Variants in SRPRB observed in about 807,000 individuals in gnomAD.
SRPRB encodes signal recognition particle receptor subunit beta.
A neutral mutation model predicts 31.9 loss-of-function variants in SRPRB; 20 were observed. The observed-to-expected ratio is 0.63, with a 90% CI of 0.44 to 0.91. The LOEUF (loss-of-function observed/expected upper bound fraction) is 0.91, where lower values mean the gene tolerates loss of function less well. SRPRB is among the 40% of genes least tolerant of loss of function. SRPRB has a pLI of 0.00. For missense variants in SRPRB, 321 were observed against 324.9 expected, an observed-to-expected ratio of 0.99 and a Z score of 0.09; for synonymous variants, 146 against 132.8, an observed-to-expected ratio of 1.10 and a Z score of -0.68.
At chr3:133,808,610 G>A (rs557416911) in intron 3 of SRPRB, among the ~76,000 whole-genome samples, 1 of 152,022 alleles carries the variant, frequency 6.6e-6, no homozygotes, top group South Asian at 2.1e-4. Context: ...GAATCATGGG[G>A]CCTGGCTTGG....
upstream of SRPRB, among the ~76,000 whole-genome samples, chr3:133,801,385 T>G (rs769857761): frequency 6.6e-6 from 1 of 152,340 alleles, no homozygotes; most frequent in South Asian, 2.1e-4. Flanking sequence ...GGGAAGCAAC[T>G]AATCTCACCC....
chr3:133,812,161 A>G (rs1249367431), intron 4 of SRPRB, among the ~76,000 whole-genome samples: 2 of 152,126 alleles, frequency 1.3e-5, no homozygotes, highest in African/African-American at 4.8e-5. Flanking sequence ...AATTGGCAGT[A>G]TTTTCTCTTA....
intron 1 of SRPRB, chr3:133,795,957 A>G (rs914643939): frequency 3.9e-5 from 6 of 152,124 alleles, no homozygotes; most frequent in African/African-American, 1.4e-4. Flanking sequence ...CAACAGACCA[A>G]ACTAAACCAA....
At chr3:133,823,285 G>C (rs1382457568), downstream of SRPRB, among the ~76,000 whole-genome samples, 1 of 149,890 alleles carries the variant, frequency 6.7e-6, no homozygotes, top group Non-Finnish European at 1.5e-5. Context: ...TCGAGACAGA[G>C]TCTCACTCTG....
At chr3:133,823,209 A>T (rs1373224180), downstream of SRPRB, among the ~76,000 whole-genome samples, 3 of 152,094 alleles carry the variant, frequency 2.0e-5, no homozygotes, top group East Asian at 5.8e-4. Context: ...CATGATGCTG[A>T]TGTGTGAGGC....
chr3:133,828,293 G>A (rs919133264), downstream of SRPRB: 156 of 421,524 alleles, frequency 3.7e-4, 2 homozygotes, highest in South Asian at 4.4e-3. Flanking sequence ...GATGGCCCCA[G>A]ACTGAAGCCT....
chr3:133,811,351 A>G (rs1935258873), intron 4 of SRPRB, 152 bp downstream of exon 4: 5 of 610,428 alleles, frequency 8.2e-6, no homozygotes, highest in Admixed American at 6.5e-5. Context: ...TCTGGGTTGC[A>G]AGTCCACCTT....
At chr3:133,797,711 C>T (rs1259674861) in intron 1 of SRPRB, among the ~76,000 whole-genome samples, 1 of 152,086 alleles carries the variant, frequency 6.6e-6, no homozygotes, top group African/African-American at 2.4e-5. Flanking sequence ...ATGATCTAGC[C>T]ATTGTTCTGT....
intron 6 of SRPRB, among the ~76,000 whole-genome samples, chr3:133,818,982 A>G (rs1935416044): frequency 6.6e-6 from 1 of 152,196 alleles, no homozygotes. Flanking sequence ...GGAGGCCGAC[A>G]AATGAGTGTT....
In SRPRB at chr3:133,789,949, T is replaced by C. The variant is rs972838895; in HGVS notation, c.-174+5805T>C. On this transcript the variant is annotated intron_variant, in intron 1 of 7. Transcript: ENST00000466490. Reference sequence around the variant, plus strand: ...TTTAATGTTAGCTAAATCTTCTGGGTTACTGGCAAAAATACGTATGTATTA... The same window carrying C: ...TTTAATGTTAGCTAAATCTTCTGGGCTACTGGCAAAAATACGTATGTATTA... 2.8e-5 allele frequency: 4 copies of C among 142,080 alleles called. No homozygotes were observed. The East Asian group carries it at 8.7e-4, about 31-fold the overall frequency. 8.8% of individuals were successfully genotyped at this position (142,080 alleles called of 1,614,324 possible).
intron 4 of SRPRB, 113 bp from the exon 5 acceptor site, chr3:133,815,477 C>T: frequency 1.6e-6 from 2 of 1,269,124 alleles, no homozygotes; most frequent in Non-Finnish European, 2.3e-6. Flanking sequence ...GCATGTGTGT[C>T]TGCTGAGTGT....
intron 1 of SRPRB, chr3:133,787,880 C>T (rs1430254825): frequency 1.3e-5 from 2 of 152,164 alleles, no homozygotes; most frequent in Non-Finnish European, 2.9e-5. Context: ...ACATTTTGTA[C>T]ACTTTGTGTT....
Position 133,786,235 on chromosome 3 carries a change from A to AAC in SRPRB, c.-174+2092_-174+2093insCA, listed in dbSNP as rs1934681349. On this transcript the variant is annotated intron_variant, in intron 1 of 7. Transcript: ENST00000466490. ...AAAAAAATAAATTAAAAAAAAAAAAAAAAAACAATACTATTTTTTGAACTA... is the reference window on the plus strand; with the variant it reads ...AAAAAAATAAATTAAAAAAAAAAAAAACAAAAACAATACTATTTTTTGAACTA... The AAC allele has an allele frequency of 1.3e-5, 2 of 151,084 alleles. 1 individual carries two copies. The highest frequency in any genetic ancestry group is 1.3e-4 in the Admixed American group (2 of 15,166). 9.4% of individuals were successfully genotyped at this position (151,084 alleles called of 1,614,324 possible). A position where few individuals can be genotyped will look rare whatever the true frequency, so the allele number is the denominator to read the frequency against.
At chr3:133,811,233 G>A in intron 4 of SRPRB, 34 bp downstream of exon 4, 1 of 1,603,026 alleles carries the variant, frequency 6.2e-7, no homozygotes, top group Non-Finnish European at 8.5e-7. Flanking sequence ...GGCTTGTCTA[G>A]GTCTGTATCT....
At chr3:133,817,968 C>A (rs551404662) in intron 6 of SRPRB, among the ~76,000 whole-genome samples, 3 of 152,302 alleles carry the variant, frequency 2.0e-5, no homozygotes, top group African/African-American at 7.2e-5. Context: ...GAAAAATATG[C>A]GACAAAATAT....
At chr3:133,827,746 A>ACCCCC (rs55951806), downstream of SRPRB, 8 of 73,622 alleles carry the variant, frequency 1.1e-4, 1 homozygote, top group Non-Finnish European at 2.1e-4. Flanking sequence ...TGCAGACAAC[A>ACCCCC]CCCCCCCCCC....
intron 6 of SRPRB, among the ~76,000 whole-genome samples, chr3:133,818,955 T>G (rs1351183021): frequency 6.6e-6 from 1 of 152,178 alleles, no homozygotes; most frequent in Non-Finnish European, 1.5e-5. Flanking sequence ...TGCTTCTGGA[T>G]AGCAGAAAGG....
At chr3:133,823,622 G>A (rs958978950), downstream of SRPRB, among the ~76,000 whole-genome samples, 2 of 152,162 alleles carry the variant, frequency 1.3e-5, no homozygotes, top group Non-Finnish European at 2.9e-5. Flanking sequence ...CCGGGCAAGG[G>A]CAATTTACCT....
intron 1 of SRPRB, 57 bp from the exon 2 acceptor site, chr3:133,806,552 C>G: frequency 7.4e-7 from 1 of 1,348,830 alleles, no homozygotes; most frequent in Non-Finnish European, 1.1e-6. Context: ...CCCAGCCATG[C>G]ACATATACTG....
Sources: allele counts gnomAD v4.1 joint callset (sites outside exome capture counted in the v4.1 genomes callset), GRCh38; gene constraint gnomAD v4.1.1; transcripts MANE v1.5; gene names NCBI Gene and HGNC (gene_info 2026-07-23, HGNC 2026-07-21).